The following MTRF1 variants were observed in gnomAD, a reference collection of about 807,000 sequenced individuals.
The protein encoded by MTRF1 is peptide chain release factor 1, mitochondrial.
MTRF1 carries 51 observed loss-of-function variants against 62.9 expected under a neutral mutation model. The ratio of observed to expected loss-of-function variants is 0.81; its 90% CI spans 0.65 to 1.02. MTRF1 has a LOEUF of 1.02. MTRF1 is among the 50% of genes least tolerant of loss of function. MTRF1 has a pLI of 0.00. For missense variants in MTRF1, 446 were observed against 530.0 expected (o/e 0.84, Z 1.56); for synonymous variants, 158 against 181.9 (o/e 0.87, Z 1.06).
the MTRF1 span, among the ~76,000 whole-genome samples, chr13:41,284,468 C>CT: frequency 2.1e-3 from 311 of 145,766 alleles, no homozygotes; most frequent in African/African-American, 7.4e-3. Flanking sequence ...GAATGACACT[C>CT]TGTCTCAAAA....
At chr13:41,243,057 A>G (rs1346854816) in intron 5 of MTRF1, among the ~76,000 whole-genome samples, 3 of 152,114 alleles carry the variant, frequency 2.0e-5, no homozygotes, top group Non-Finnish European at 2.9e-5. Flanking sequence ...TGTCTCTACT[A>G]AAAATACAAT....
At chr13:41,301,382 A>C in the MTRF1 span, among the ~76,000 whole-genome samples, 1 of 152,194 alleles carries the variant, frequency 6.6e-6, no homozygotes, top group Non-Finnish European at 1.5e-5. Context: ...ACTATTATAC[A>C]GAAGCTTATG....
intron 7 of MTRF1, among the ~76,000 whole-genome samples, chr13:41,230,964 G>A (rs2035448213): frequency 6.6e-6 from 1 of 152,090 alleles, no homozygotes; most frequent in Non-Finnish European, 1.5e-5. Flanking sequence ...ACCCTCAGGT[G>A]ATCTGCCTGC....
chr13:41,245,978 ATC>A (rs1422040471), intron 5 of MTRF1, among the ~76,000 whole-genome samples: 1 of 151,842 alleles, frequency 6.6e-6, no homozygotes, highest in Non-Finnish European at 1.5e-5. Context: ...GCCCTAGTGG[ATC>A]TGTTTTGAGA....
the MTRF1 span, chr13:41,311,716 T>C: frequency 3.9e-6 from 3 of 776,934 alleles, no homozygotes; most frequent in Admixed American, 2.9e-5. Flanking sequence ...ACCTCGGAGG[T>C]CGCGGGACCC....
rs189085840 is a variant in MTRF1 at position 41,254,511 on chromosome 13, C to A, written c.507+18G>T. ...TTTATACAGCACTATTGAAACTAGT[C>A]GACCTCTGAAAACCTACCTCATTGT... On this transcript the variant is annotated intron_variant, in intron 3 of 9. Coordinates refer to ENST00000379480, the MANE Select transcript of MTRF1 (RefSeq NM_004294.4). The A allele has an allele frequency of 1.3e-5, 21 of 1,592,022 alleles. No individual in the cohort carries two copies. Among genetic ancestry groups the A allele is most frequent in the South Asian group, 4.4e-5 (4 of 90,200 alleles).
chr13:41,270,300 G>A, the MTRF1 span, among the ~76,000 whole-genome samples: 3 of 152,114 alleles, frequency 2.0e-5, no homozygotes, highest in South Asian at 6.2e-4. Flanking sequence ...CTTAAGTTAT[G>A]TAAACTTGAA....
chr13:41,309,382 G>GTGTGTGTGTC, the MTRF1 span, among the ~76,000 whole-genome samples: 1 of 141,758 alleles, frequency 7.1e-6, no homozygotes, highest in African/African-American at 2.6e-5. Flanking sequence ...GTGTGTGTGT[G>GTGTGTGTGTC]TTTGCCATGT....
intron 2 of MTRF1, among the ~76,000 whole-genome samples, chr13:41,255,159 A>T (rs983526248): frequency 6.6e-6 from 1 of 152,170 alleles, no homozygotes; most frequent in African/African-American, 2.4e-5. Flanking sequence ...ATCCAAGAGA[A>T]GTCAGAAATA....
intron 1 of MTRF1, among the ~76,000 whole-genome samples, chr13:41,263,013 G>A (rs574453813): frequency 4.6e-5 from 7 of 152,210 alleles, no homozygotes; most frequent in Admixed American, 2.0e-4. Context: ...ATTATTAAAA[G>A]AACTGTTGAA....
At chr13:41,282,035 G>A in the MTRF1 span, among the ~76,000 whole-genome samples, 97 of 152,110 alleles carry the variant, frequency 6.4e-4, 1 homozygote, top group African/African-American at 2.0e-3. Context: ...CTACTCAGGA[G>A]GCTGAGGCAG....
At chr13:41,221,200 A>G (rs528322101) in intron 9 of MTRF1, among the ~76,000 whole-genome samples, 120 of 144,838 alleles carry the variant, frequency 8.3e-4, no homozygotes, top group Middle Eastern at 3.6e-3. Context: ...TCTGTCGCCC[A>G]GGCTGGAGTG....
chr13:41,260,056 C>T (rs551350359), intron 2 of MTRF1, among the ~76,000 whole-genome samples: 7 of 152,320 alleles, frequency 4.6e-5, no homozygotes, highest in African/African-American at 1.2e-4. Context: ...GGAAGTACCA[C>T]GAGGAGCCTG....
chr13:41,273,917 T>C, the MTRF1 span, among the ~76,000 whole-genome samples: 1 of 152,152 alleles, frequency 6.6e-6, no homozygotes, highest in African/African-American at 2.4e-5. Flanking sequence ...GTGGGACAAC[T>C]CCAAGCTGGG....
At chr13:41,264,843 G>C (rs1313954323), upstream of MTRF1, among the ~76,000 whole-genome samples, 1 of 152,102 alleles carries the variant, frequency 6.6e-6, no homozygotes. Context: ...CTCTGATATA[G>C]GGCCACCCTG....
At chr13:41,282,643 T>C in the MTRF1 span, among the ~76,000 whole-genome samples, 2 of 152,212 alleles carry the variant, frequency 1.3e-5, no homozygotes, top group Non-Finnish European at 2.9e-5. Flanking sequence ...AACTTCCCTT[T>C]CACCAAAACT....
chr13:41,251,688 C>T (rs1466721975), intron 5 of MTRF1, among the ~76,000 whole-genome samples: 1 of 152,180 alleles, frequency 6.6e-6, no homozygotes, highest in Non-Finnish European at 1.5e-5. Context: ...CATGAATCCT[C>T]TCTCCCCACT....
chr13:41,294,661 A>G, the MTRF1 span, among the ~76,000 whole-genome samples: 1 of 152,164 alleles, frequency 6.6e-6, no homozygotes, highest in African/African-American at 2.4e-5. Context: ...TATATGGTAA[A>G]TTTGTGTCCT....
rs2139125508 is a variant in MTRF1, at chr13:41,254,595, C to T, written c.441G>A (p.Gln147=). The T allele has an allele frequency of 6.2e-7, 1 of 1,613,444 alleles. No homozygotes were observed. The highest frequency in any genetic ancestry group is 8.5e-7 in the Non-Finnish European group (1 of 1,179,678). The part of the protein sequence containing the change: ...CKSLNKQDEK[Q]LQELALEERQ... ...TTTCTTCCAGTGCAAGTTCTTGTAA[C>T]TGCTTTTCATCTTGTTTATTTAGGC... Residue 147 remains glutamine (Q), a synonymous_variant, in exon 3 of 10, where the codon CAG becomes CAA. Transcript: ENST00000379480.
Sources: allele counts gnomAD v4.1 joint callset (sites outside exome capture counted in the v4.1 genomes callset), GRCh38; gene constraint gnomAD v4.1.1; transcripts MANE v1.5; gene names NCBI Gene and HGNC (gene_info 2026-07-23, HGNC 2026-07-21).